GALNTL5: variants seen among roughly 807,000 people sequenced by gnomAD.
GALNTL5 encodes polypeptide N-acetylgalactosaminyltransferase like 5.
Under a neutral mutation model 51.0 loss-of-function variants are expected in GALNTL5, and 44 were observed. The observed-to-expected ratio is 0.86, with a 90% CI of 0.68 to 1.11. The LOEUF (loss-of-function observed/expected upper bound fraction) is 1.11, where lower values mean the gene tolerates loss of function less well. GALNTL5 is among the 50% of genes least tolerant of loss of function. GALNTL5 has a pLI of 0.00. For missense variants in GALNTL5, 528 were observed against 531.8 expected (o/e 0.99, Z 0.07); for synonymous variants, 192 against 182.8 (o/e 1.05, Z -0.41).
At chr7:151,965,721 A>G (rs974972688) in intron 1 of GALNTL5, among the ~76,000 whole-genome samples, 2 of 150,532 alleles carry the variant, frequency 1.3e-5, no homozygotes, top group Admixed American at 1.3e-4. Context: ...TATACAAAAA[A>G]ATAATAATAA....
intron 5 of GALNTL5, among the ~76,000 whole-genome samples, chr7:151,989,017 T>A (rs144039778): frequency 6.6e-6 from 1 of 152,256 alleles, no homozygotes; most frequent in Non-Finnish European, 1.5e-5. Flanking sequence ...TTTAAATACA[T>A]GGAATCATAC....
intron 1 of GALNTL5, among the ~76,000 whole-genome samples, chr7:151,963,076 G>A (rs2081012424): frequency 6.6e-6 from 1 of 152,168 alleles, no homozygotes; most frequent in Non-Finnish European, 1.5e-5. Flanking sequence ...AAGAATTGAT[G>A]CATAAAATTT....
In GALNTL5 at chr7:151,987,140, G is replaced by A. The variant is rs753735042; in HGVS notation, c.536-19G>A. 1.5e-5 allele frequency: 23 copies of A among 1,578,368 alleles called. No homozygotes were observed. The highest frequency in any genetic ancestry group is 1.6e-5 in the Non-Finnish European group (19 of 1,163,410). ...ATAGTTGCCGTTTATACATTCTCAT[G>A]TGTTGAATATTTTTCCAGATGATTT... On this transcript the variant is annotated intron_variant, in intron 4 of 8. Transcript: ENST00000392800.
At chr7:151,971,259 G>A (rs532540288) in intron 3 of GALNTL5, among the ~76,000 whole-genome samples, 194 bp downstream of exon 3, 1 of 152,272 alleles carries the variant, frequency 6.6e-6, no homozygotes, top group Non-Finnish European at 1.5e-5. Flanking sequence ...AATGCTTATA[G>A]TGTAGAGAAT....
At chr7:151,993,196 T>C (rs1441571895) in intron 5 of GALNTL5, among the ~76,000 whole-genome samples, 1 of 150,288 alleles carries the variant, frequency 6.7e-6, no homozygotes, top group Non-Finnish European at 1.5e-5. Context: ...ATCATGCCAT[T>C]GCACTCCAGC....
intron 1 of GALNTL5, among the ~76,000 whole-genome samples, chr7:151,960,022 C>T (rs893511580): frequency 2.6e-5 from 4 of 152,174 alleles, no homozygotes; most frequent in African/African-American, 9.7e-5. Flanking sequence ...TGGAGTTCTG[C>T]TGCCCAGATA....
chr7:152,005,430 G>A (rs892783467), intron 6 of GALNTL5, among the ~76,000 whole-genome samples: 12 of 152,210 alleles, frequency 7.9e-5, no homozygotes, highest in Middle Eastern at 3.4e-3. Flanking sequence ...CAACGTTTTC[G>A]GCCTGCACAC....
intron 5 of GALNTL5, among the ~76,000 whole-genome samples, chr7:151,988,844 G>A (rs1167343863): frequency 6.6e-6 from 1 of 151,798 alleles, no homozygotes; most frequent in Non-Finnish European, 1.5e-5. Context: ...GGGATTACAG[G>A]TGCCCGCCAC....
At chr7:151,980,714 G>C (rs1336018463) in intron 3 of GALNTL5, among the ~76,000 whole-genome samples, 2 of 145,952 alleles carry the variant, frequency 1.4e-5, no homozygotes, top group African/African-American at 2.6e-5. Context: ...TCCCCTTTCC[G>C]TGTGATTGCA....
At chr7:151,997,373 G>A (rs1037309068) in intron 5 of GALNTL5, among the ~76,000 whole-genome samples, 13 of 152,136 alleles carry the variant, frequency 8.5e-5, no homozygotes, top group South Asian at 6.2e-4. Flanking sequence ...TAGAGCAACC[G>A]TCCTTTCCTA....
chr7:151,986,194 C>T (rs552506900), intron 4 of GALNTL5, among the ~76,000 whole-genome samples: 3 of 152,048 alleles, frequency 2.0e-5, no homozygotes, highest in Non-Finnish European at 4.4e-5. Flanking sequence ...TCTCGTGGTT[C>T]GATAACTTTC....
chr7:151,992,682 C>T (rs1430951998), intron 5 of GALNTL5, among the ~76,000 whole-genome samples: 2 of 152,166 alleles, frequency 1.3e-5, no homozygotes, highest in African/African-American at 4.8e-5. Context: ...GATAAAGACA[C>T]ATTTTGAGGT....
chr7:151,956,535 C>A lies in GALNTL5; in HGVS notation c.-114C>A, dbSNP rs568257382. On this transcript the variant is annotated 5_prime_UTR_variant, in exon 1 of 9. Transcript: ENST00000392800. ...CATCTCTCAGTTCATTCGGCACAGA[C>A]CCCTGCCTCATTCAGCTGTGACTCT... is the stretch of plus-strand genomic sequence containing the variant. 6.6e-6 allele frequency: 1 copy of A among 152,294 alleles called. No homozygotes were observed. The highest frequency in any genetic ancestry group is 3.4e-3 in the Middle Eastern group (1 of 294). 9.4% of individuals were successfully genotyped at this position (152,294 alleles called of 1,614,324 possible).
At chr7:151,979,800 A>ATT (rs1230733866) in intron 3 of GALNTL5, among the ~76,000 whole-genome samples, 2 of 152,022 alleles carry the variant, frequency 1.3e-5, no homozygotes, top group African/African-American at 4.8e-5. Flanking sequence ...TTGTTGATCT[A>ATT]TTTTTGAGAA....
At position 151,989,904 on chromosome 7, in the gene GALNTL5, T is replaced by C. The variant is rs912811737; in HGVS notation, c.658+2623T>C. ...ATATTCTTTGCCAATGTTTCTAATG[T>C]GTTGTTTGTCTTTTTGTTATTGATT... On this transcript the variant is annotated intron_variant, in intron 5 of 8. Coordinates refer to ENST00000392800, the MANE Select transcript of GALNTL5 (RefSeq NM_145292.4). Among the ~76,000 whole-genome samples the C allele has an allele frequency of 2.6e-5, 4 of 152,354 alleles. No homozygotes were observed. In the South Asian group the frequency reaches 6.2e-4, roughly 24 times the overall value.
In GALNTL5 at chr7:151,967,258, C is replaced by T. The variant is rs2081071882; in HGVS notation, c.12C>T (p.Ala4=). 1 of 1,609,796 alleles carries T rather than the reference C, an allele frequency of 6.2e-7. No individual in the cohort carries two copies. The highest frequency in any genetic ancestry group is 8.5e-7 in the Non-Finnish European group (1 of 1,178,194). The change falls in exon 2 of 9, where the codon GCC becomes GCT. Residue 4 remains alanine, a synonymous_variant. Transcript: ENST00000392800. The stretch of plus-strand genomic sequence containing the variant: ...ATGCTAGATTTACAATGAGAAATGC[C>T]ATAATTCAAGGTTTATTCTATGGGT... The part of the protein sequence containing the change: MRN[A]IIQGLFYGSL...
chr7:151,993,996 A>C (rs1323414092), intron 5 of GALNTL5, among the ~76,000 whole-genome samples: 2 of 152,110 alleles, frequency 1.3e-5, no homozygotes, highest in African/African-American at 2.4e-5. Context: ...ATATATGTAT[A>C]ATTTTGTTCA....
intron 1 of GALNTL5, among the ~76,000 whole-genome samples, chr7:151,964,308 G>T (rs984727065): frequency 6.6e-6 from 1 of 152,158 alleles, no homozygotes; most frequent in Non-Finnish European, 1.5e-5. Flanking sequence ...GTTGCAGGGG[G>T]ACACAGTTCC....
At chr7:151,962,499 G>A (rs1269707698) in intron 1 of GALNTL5, among the ~76,000 whole-genome samples, 6 of 124,596 alleles carry the variant, frequency 4.8e-5, no homozygotes, top group African/African-American at 1.8e-4. Flanking sequence ...TGTAAATACT[G>A]TTCCTTAATT....
Sources: allele counts gnomAD v4.1 joint callset (sites outside exome capture counted in the v4.1 genomes callset), GRCh38; gene constraint gnomAD v4.1.1; transcripts MANE v1.5; gene names NCBI Gene and HGNC (gene_info 2026-07-23, HGNC 2026-07-21).